Variants in TOP2B observed in about 807,000 individuals in gnomAD.
TOP2B encodes the protein DNA topoisomerase II beta.
In TOP2B, 51 loss-of-function variants were observed where a neutral mutation model predicts 193.5. That is an observed-to-expected ratio of 0.26 (90% confidence interval 0.21 to 0.33). The LOEUF (loss-of-function observed/expected upper bound fraction) is 0.33, where lower values mean the gene tolerates loss of function less well. Ranked by LOEUF, TOP2B falls within the 10% of genes least tolerant of loss-of-function variation. The pLI is 1.00. For missense variants in TOP2B, 1,378 were observed against 1,909.3 expected (o/e 0.72, Z 5.19); for synonymous variants, 634 against 635.7 (o/e 1.00, Z 0.04).
At position 25,662,795 on chromosome 3, in the gene TOP2B, G is replaced by C. The variant is rs1309820044; in HGVS notation, c.69+1434C>G. ...ACCAGAGGTCTTCAGAGGAAACACC[G>C]ATCAGGCCTCAACACTTCCAAATAG... On this transcript the variant is annotated intron_variant, in intron 1 of 35. Transcript: ENST00000264331. Among the ~76,000 whole-genome samples, 5 of 152,320 alleles carry C rather than the reference G, an allele frequency of 3.3e-5. No homozygotes were observed. In the South Asian group the frequency reaches 8.3e-4, roughly 25 times the overall value.
intron 2 of TOP2B, among the ~76,000 whole-genome samples, chr3:25,644,356 T>C (rs1479149680): frequency 5.3e-5 from 8 of 152,190 alleles, no homozygotes; most frequent in Admixed American, 5.2e-4. Flanking sequence ...TCAGTGTATA[T>C]GTACAAATTC....
At chr3:25,652,100 G>A (rs1703608252) in intron 1 of TOP2B, among the ~76,000 whole-genome samples, 1 of 152,216 alleles carries the variant, frequency 6.6e-6, no homozygotes, top group South Asian at 2.1e-4. Context: ...ACAAGAGACA[G>A]AGTAGGACAT....
rs376005813 is a variant in TOP2B at position 25,636,006 on chromosome 3, G to T, written c.782C>A (p.Thr261Asn). Residue 261 changes from threonine (T) to asparagine (N), a missense_variant, in exon 7 of 36, where the codon ACT (threonine) becomes AAT (asparagine). Coordinates refer to ENST00000264331, the MANE Select transcript of TOP2B (RefSeq NM_001330700.2). ...KLDKDIVALM[T>N]RRAYDLAGSC... ...ACCAGCCAAATCATATGCCCTTCTA[G>T]TCATGAGGGCCACAATATCCTTGTC... The T allele has an allele frequency of 3.1e-6, 5 of 1,613,302 alleles. No homozygotes were observed. Among genetic ancestry groups the T allele is most frequent in the Non-Finnish European group, 4.2e-6 (5 of 1,179,534 alleles).
At position 25,645,490 on chromosome 3, in the gene TOP2B, C is replaced by A. The variant is rs1396071180; in HGVS notation, c.70-20G>T. 6.3e-7 allele frequency: 1 copy of A among 1,575,750 alleles called. No individual in the cohort carries two copies. The highest frequency in any genetic ancestry group is 1.2e-5 in the South Asian group (1 of 84,900). The stretch of plus-strand genomic sequence containing the variant: ...AAGAGTCTAAAATTAACCAAAAAAT[C>A]AAATTTAAATAACCTACCAAGGGGT... On this transcript the variant is annotated intron_variant, in intron 1 of 35. Coordinates refer to ENST00000264331, the MANE Select transcript of TOP2B (RefSeq NM_001330700.2).
In TOP2B at chr3:25,624,548, A is replaced by G. The variant is rs1702745366; in HGVS notation, c.2347-103T>C. Reference sequence around the variant, plus strand: ...CCAAGTGAAGAATAAAGGCTTTAGAATCTCACTAATCTGTATATTCTCTTA... The same window carrying G: ...CCAAGTGAAGAATAAAGGCTTTAGAGTCTCACTAATCTGTATATTCTCTTA... On this transcript the variant is annotated intron_variant, in intron 19 of 35. Coordinates refer to ENST00000264331, the MANE Select transcript of TOP2B (RefSeq NM_001330700.2). The G allele has an allele frequency of 7.2e-6, 11 of 1,530,604 alleles. No homozygotes were observed. In the South Asian group the frequency reaches 1.4e-4, roughly 20 times the overall value. The allele number at this position is 1,530,604 out of a possible 1,614,324, so 94.8% of individuals were successfully genotyped here.
At chr3:25,650,506 C>T (rs900251539) in intron 1 of TOP2B, among the ~76,000 whole-genome samples, 3 of 152,116 alleles carry the variant, frequency 2.0e-5, no homozygotes, top group African/African-American at 7.2e-5. Context: ...TATCTTGATC[C>T]CATTTGTTTA....
At chr3:25,624,917 T>C (rs1454936639) in intron 18 of TOP2B, 114 bp from the exon 19 acceptor site, 2 of 1,019,552 alleles carry the variant, frequency 2.0e-6, no homozygotes, top group African/African-American at 3.3e-5. Flanking sequence ...AATTGTTACT[T>C]GAGATTCTGT....
chr3:25,607,910 T>C (rs551756623), intron 30 of TOP2B, among the ~76,000 whole-genome samples: 1 of 152,264 alleles, frequency 6.6e-6, no homozygotes, highest in African/African-American at 2.4e-5. Flanking sequence ...GCCTGCTGAG[T>C]AGCTGGGACT....
At chr3:25,602,875 T>A (rs893347787) in intron 33 of TOP2B, among the ~76,000 whole-genome samples, 1 of 152,184 alleles carries the variant, frequency 6.6e-6, no homozygotes, top group Non-Finnish European at 1.5e-5. Context: ...GGAGTTAACA[T>A]AGACAATCCC....
intron 28 of TOP2B, among the ~76,000 whole-genome samples, chr3:25,612,241 C>T (rs915330315): frequency 1.6e-4 from 25 of 152,036 alleles, no homozygotes; most frequent in Admixed American, 5.2e-4. Flanking sequence ...CGTGCCCGGC[C>T]GGCTTCCAAG....
chr3:25,618,587 G>A, intron 24 of TOP2B, 67 bp downstream of exon 24: 1 of 1,522,858 alleles, frequency 6.6e-7, no homozygotes, highest in Non-Finnish European at 8.8e-7. Flanking sequence ...TGATAAAAAT[G>A]TCTTCTATTA....
intron 18 of TOP2B, among the ~76,000 whole-genome samples, chr3:25,625,544 G>C (rs1702772635): frequency 6.6e-6 from 1 of 151,866 alleles, no homozygotes; most frequent in African/African-American, 2.4e-5. Flanking sequence ...TTGTTTGTTT[G>C]TTTTTGCGAT....
rs963461593 is a variant in TOP2B, at chr3:25,630,204, C to T, written c.1564-50G>A. 2.0e-5 allele frequency: 30 copies of T among 1,522,200 alleles called. No homozygotes were observed. The South Asian group carries it at 2.9e-4, about 15-fold the overall frequency. 94.3% of individuals were successfully genotyped at this position (1,522,200 alleles called of 1,614,324 possible). On this transcript the variant is annotated intron_variant, in intron 12 of 35. Transcript: ENST00000264331. Reference sequence around the variant, plus strand: ...GAGTAGTTTGAAGTGTTGAAATATACGAGTCAGAAATTACATTTAAAAATT... The same window carrying T: ...GAGTAGTTTGAAGTGTTGAAATATATGAGTCAGAAATTACATTTAAAAATT...
chr3:25,612,392 A>G (rs1702395607), intron 28 of TOP2B, 123 bp downstream of exon 28: 1 of 691,730 alleles, frequency 1.4e-6, no homozygotes, highest in African/African-American at 1.8e-5. Flanking sequence ...AGGATTTCCT[A>G]TTACCATTGA....
At chr3:25,641,675 A>C (rs1235918685) in intron 4 of TOP2B, among the ~76,000 whole-genome samples, 1 of 152,168 alleles carries the variant, frequency 6.6e-6, no homozygotes, top group Non-Finnish European at 1.5e-5. Context: ...TATTACTAGT[A>C]AGACTATACC....
intron 29 of TOP2B, 25 bp from the exon 30 acceptor site, chr3:25,609,369 G>A (rs377443516): frequency 6.5e-7 from 1 of 1,550,256 alleles, no homozygotes; most frequent in Non-Finnish European, 8.7e-7. Context: ...TAGCAATAAG[G>A]TATGTATCCA....
In TOP2B at chr3:25,615,249, C is replaced by A. The variant is rs1702474127; in HGVS notation, c.3547G>T (p.Asp1183Tyr). 1.9e-6 allele frequency: 3 copies of A among 1,612,326 alleles called. No homozygotes were observed. Among genetic ancestry groups the A allele is most frequent in the Non-Finnish European group, 2.5e-6 (3 of 1,179,042 alleles). The change falls in exon 27 of 36, where the codon GAT becomes TAT. Residue 1183 changes from aspartate (D) to tyrosine (Y), a missense_variant. Around this residue, in one of 9 missense-constraint regions of TOP2B, gnomAD observed 556 missense variants for 584.2 expected, o/e 0.95. Coordinates refer to ENST00000264331, the MANE Select transcript of TOP2B (RefSeq NM_001330700.2). Reference protein sequence around the residue: ...VNDLKRKSPSDLWKEDLAAFV... With the variant: ...VNDLKRKSPSYLWKEDLAAFV... ...GCCGCTAAATCCTCTTTCCAAAGAT[C>A]TGAAGGAGATTTTCTTTTAAGATCA...
intron 1 of TOP2B, among the ~76,000 whole-genome samples, chr3:25,654,608 A>T (rs1703692397): frequency 6.6e-6 from 1 of 152,242 alleles, no homozygotes; most frequent in Non-Finnish European, 1.5e-5. Context: ...GAATCTCAAG[A>T]GGACCCATAG....
chr3:25,615,987 T>C (rs1702494269), intron 25 of TOP2B: 1 of 153,166 alleles, frequency 6.5e-6, no homozygotes, highest in Non-Finnish European at 1.5e-5. Context: ...ACAAAATAAA[T>C]ACCAGTTATG....
Sources: allele counts gnomAD v4.1 joint callset (sites outside exome capture counted in the v4.1 genomes callset), GRCh38; gene constraint gnomAD v4.1.1; regional missense constraint gnomAD v4.1.1; transcripts MANE v1.5; gene names NCBI Gene and HGNC (gene_info 2026-07-23, HGNC 2026-07-21).